The following JAZF1 variants were observed in gnomAD, a reference collection of about 807,000 sequenced individuals.
JAZF1 encodes JAZF zinc finger 1.
In JAZF1, 8 loss-of-function variants were observed where a neutral mutation model predicts 26.4. That is an observed-to-expected ratio of 0.30 (90% CI 0.18 to 0.55). The LOEUF (loss-of-function observed/expected upper bound fraction) is 0.55, where lower values mean the gene tolerates loss of function less well. Ranked by LOEUF, JAZF1 falls within the 20% of genes least tolerant of loss-of-function variation. JAZF1 has a pLI of 0.94. For synonymous variants in JAZF1, 126 were observed against 122.3 expected (o/e 1.03, Z -0.20); for missense variants, 199 against 322.0 (o/e 0.62, Z 2.92).
chr7:27,976,344 C>CAAAA (rs55992845), intron 2 of JAZF1, among the ~76,000 whole-genome samples: 1 of 80,452 alleles, frequency 1.2e-5, no homozygotes, highest in Non-Finnish European at 2.3e-5. Context: ...GACTCCGTCT[C>CAAAA]AAAAAAAAAA....
Position 27,839,572 on chromosome 7 carries a change from C to T in JAZF1, c.555+1126G>A, listed in dbSNP as rs146512936. ...GAGACCTGTTCTGACCCAAATGCAG[C>T]GCTCCTCTGCCAGCCCTCAGAGGCT... On this transcript the variant is annotated intron_variant, in intron 4 of 4. Transcript: ENST00000283928. Among the ~76,000 whole-genome samples the T allele has an allele frequency of 1.3e-3, 205 of 152,248 alleles. 1 individual carries two copies. The highest frequency in any genetic ancestry group is 3.3e-3 in the Admixed American group (51 of 15,284).
chr7:28,019,969 C>T (rs1352698158), intron 1 of JAZF1, among the ~76,000 whole-genome samples: 1 of 152,080 alleles, frequency 6.6e-6, no homozygotes, highest in Non-Finnish European at 1.5e-5. Flanking sequence ...GTGCAATATA[C>T]CTACCTCTTT....
intron 1 of JAZF1, among the ~76,000 whole-genome samples, chr7:28,155,635 TG>T (rs1783170737): frequency 6.6e-6 from 1 of 152,204 alleles, no homozygotes; most frequent in African/African-American, 2.4e-5. Flanking sequence ...GAACACAGTA[TG>T]GAGGGCCTGG....
intron 2 of JAZF1, among the ~76,000 whole-genome samples, chr7:27,917,092 T>C (rs1253944393): frequency 6.6e-6 from 1 of 152,156 alleles, no homozygotes; most frequent in Non-Finnish European, 1.5e-5. Flanking sequence ...AAATAACCGA[T>C]TGTACCTTAA....
intron 1 of JAZF1, among the ~76,000 whole-genome samples, chr7:28,069,353 T>C (rs917329642): frequency 1.2e-4 from 19 of 152,218 alleles, no homozygotes; most frequent in African/African-American, 4.6e-4. Context: ...GGTACATCAA[T>C]TGGATGTCTG....
intron 1 of JAZF1, among the ~76,000 whole-genome samples, chr7:28,039,896 C>A (rs1783360280): frequency 6.6e-6 from 1 of 152,094 alleles, no homozygotes; most frequent in African/African-American, 2.4e-5. Context: ...TAAAGTCAGG[C>A]CTAAAGCATT....
chr7:28,149,034 C>G (rs1184841602), intron 1 of JAZF1, among the ~76,000 whole-genome samples: 1 of 152,136 alleles, frequency 6.6e-6, no homozygotes, highest in Non-Finnish European at 1.5e-5. Flanking sequence ...TCCCCCAATC[C>G]AAAGTCAAGT....
intron 1 of JAZF1, among the ~76,000 whole-genome samples, chr7:28,116,164 C>T (rs1014432615): frequency 6.6e-6 from 1 of 152,148 alleles, no homozygotes; most frequent in African/African-American, 2.4e-5. Context: ...GGAGTAATTG[C>T]CAAAGCCAGA....
At chr7:28,062,554 TGATACTCCAAGTGCCCACC>T in intron 1 of JAZF1, among the ~76,000 whole-genome samples, 2 of 136,104 alleles carry the variant, frequency 1.5e-5, no homozygotes, top group African/African-American at 6.3e-5. Flanking sequence ...GTGCCCACCG[TGATACTCCAAGTGCCCACC>T]GTGATACTCC....
intron 1 of JAZF1, among the ~76,000 whole-genome samples, chr7:28,096,550 T>C (rs1258050589): frequency 2.0e-5 from 3 of 152,194 alleles, no homozygotes; most frequent in Non-Finnish European, 4.4e-5. Context: ...ACTACACTTT[T>C]CACATAATCA....
chr7:28,042,023 G>A (rs927590937), intron 1 of JAZF1, among the ~76,000 whole-genome samples: 1 of 152,200 alleles, frequency 6.6e-6, no homozygotes, highest in Non-Finnish European at 1.5e-5. Flanking sequence ...GGAAAATAAA[G>A]CCCTGGGTGC....
chr7:27,904,995 G>A (rs1193886933), intron 2 of JAZF1, among the ~76,000 whole-genome samples: 4 of 152,200 alleles, frequency 2.6e-5, no homozygotes, highest in Non-Finnish European at 4.4e-5. Context: ...GTGCAGTGGT[G>A]CCATCACGGC....
intron 1 of JAZF1, among the ~76,000 whole-genome samples, chr7:28,149,009 T>C (rs866138175): frequency 6.6e-6 from 1 of 152,210 alleles, no homozygotes; most frequent in Admixed American, 6.5e-5. Context: ...AACGAAGAGA[T>C]GGTACTCAAA....
intron 3 of JAZF1, among the ~76,000 whole-genome samples, chr7:27,894,761 G>A (rs1784030655): frequency 1.3e-5 from 2 of 152,132 alleles, no homozygotes; most frequent in African/African-American, 4.8e-5. Context: ...TTCTTCTCAA[G>A]GTGTTGTAAA....
chr7:28,045,655 T>C (rs142101472), intron 1 of JAZF1, among the ~76,000 whole-genome samples: 182 of 152,288 alleles, frequency 1.2e-3, no homozygotes, highest in Admixed American at 2.4e-3. Context: ...TAGCTCACTA[T>C]AGCCTTGAAC....
At chr7:27,839,996 C>G (rs1782891575) in intron 4 of JAZF1, among the ~76,000 whole-genome samples, 1 of 152,138 alleles carries the variant, frequency 6.6e-6, no homozygotes, top group Admixed American at 6.5e-5. Flanking sequence ...TTAAAATGCC[C>G]TCTAGACCCA....
In JAZF1 at chr7:28,021,631, G is replaced by C. The variant is rs997337182; in HGVS notation, c.116-29650C>G. ...TAGGACAAACAAAGACATGGTGGTG[G>C]GGCAGGGTCGGAGGACAGAGGCACT... On this transcript the variant is annotated intron_variant, in intron 1 of 4. Transcript: ENST00000283928. Among the ~76,000 whole-genome samples, 6 of 152,302 alleles carry C rather than the reference G, an allele frequency of 3.9e-5. No homozygotes were observed. In the South Asian group the frequency reaches 1.2e-3, roughly 32 times the overall value.
chr7:27,912,828 C>T (rs946758152), intron 2 of JAZF1, among the ~76,000 whole-genome samples: 1 of 151,992 alleles, frequency 6.6e-6, no homozygotes, highest in Non-Finnish European at 1.5e-5. Context: ...AACAGAAGGC[C>T]AGAGTTGCCT....
At chr7:28,039,083 A>G (rs1783345060) in intron 1 of JAZF1, among the ~76,000 whole-genome samples, 1 of 152,210 alleles carries the variant, frequency 6.6e-6, no homozygotes, top group Non-Finnish European at 1.5e-5. Context: ...AAGCATGCTA[A>G]ATTTAAAAAG....
Sources: gnomAD v4.1 joint callset for allele counts (sites outside exome capture counted in the v4.1 genomes callset) on GRCh38, gnomAD v4.1.1 for gene constraint, MANE v1.5 for transcripts, NCBI Gene and HGNC (gene_info 2026-07-23, HGNC 2026-07-21) for gene names.